Variants in TUSC3 observed in about 807,000 individuals in gnomAD.
TUSC3 encodes tumor suppressor candidate 3, also known as dolichyl-diphosphooligosaccharide--protein glycosyltransferase subunit TUSC3.
TUSC3 carries 45 observed loss-of-function variants against 44.8 expected under a neutral mutation model. The observed-to-expected ratio is 1.00, with a 90% CI of 0.79 to 1.29. TUSC3 has a LOEUF of 1.29. TUSC3 is among the 50% of genes most tolerant of loss of function. The probability of loss-of-function intolerance (pLI) is 0.00; values close to 1 mark genes in which losing one functional copy is unlikely to be tolerated. For synonymous variants in TUSC3, 212 were observed against 152.9 expected, an observed-to-expected ratio of 1.39 and a Z score of -2.85; for missense variants, 519 against 437.9, an observed-to-expected ratio of 1.19 and a Z score of -1.65.
intron 1 of TUSC3, among the ~76,000 whole-genome samples, chr8:15,435,735 T>C (rs1799937693): frequency 6.6e-6 from 1 of 152,202 alleles, no homozygotes; most frequent in Admixed American, 6.5e-5. Flanking sequence ...AATAAGGATT[T>C]TTAAGGAATT....
At position 15,765,549 on chromosome 8, in the gene TUSC3, T is replaced by A. The variant is rs970082421; in HGVS notation, c.*1393T>A. The A allele has an allele frequency of 1.3e-5, 2 of 152,016 alleles. No homozygotes were observed. Among genetic ancestry groups the A allele is most frequent in the South Asian group, 4.1e-4 (2 of 4,830 alleles). The allele number at this position is 152,016 out of a possible 1,614,324, so 9.4% of individuals were successfully genotyped here. ...GAATATAAAGGCCTACTGGGGCATG[T>A]TTATCAAGTTATATCCCAGGGCAAT... On this transcript the variant is annotated 3_prime_UTR_variant, in exon 11 of 11. Coordinates refer to ENST00000503731, the MANE Select transcript of TUSC3 (RefSeq NM_006765.4).
chr8:15,631,185 G>T (rs528822367), intron 2 of TUSC3, among the ~76,000 whole-genome samples: 7 of 152,246 alleles, frequency 4.6e-5, no homozygotes, highest in African/African-American at 1.2e-4. Context: ...TCCATGACCA[G>T]TTTGGTATAA....
At chr8:15,498,813 A>G (rs998610311) in intron 2 of TUSC3, among the ~76,000 whole-genome samples, 4 of 152,130 alleles carry the variant, frequency 2.6e-5, no homozygotes, top group Non-Finnish European at 5.9e-5. Flanking sequence ...CCACCACCAG[A>G]GGCAGAGAGA....
chr8:15,448,263 T>C (rs1257940337), intron 1 of TUSC3, among the ~76,000 whole-genome samples: 1 of 151,788 alleles, frequency 6.6e-6, no homozygotes. Context: ...AGATCACAGA[T>C]GTGTGCAACC....
At chr8:15,717,687 C>T (rs1338750321) in intron 6 of TUSC3, among the ~76,000 whole-genome samples, 1 of 152,096 alleles carries the variant, frequency 6.6e-6, no homozygotes, top group Non-Finnish European at 1.5e-5. Context: ...TTCTCTAGCA[C>T]TCATTTGGAC....
chr8:15,722,429 A>G (rs1218419752), intron 6 of TUSC3, among the ~76,000 whole-genome samples: 2 of 151,992 alleles, frequency 1.3e-5, no homozygotes, highest in African/African-American at 4.8e-5. Context: ...AAATCTGTGG[A>G]CTGAATCTAG....
chr8:15,553,881 A>G (rs1802139851), intron 1 of TUSC3, among the ~76,000 whole-genome samples: 2 of 151,886 alleles, frequency 1.3e-5, no homozygotes, highest in African/African-American at 4.8e-5. Context: ...ATATGGAAAT[A>G]TGGTAGTTGT....
downstream of TUSC3, among the ~76,000 whole-genome samples, chr8:15,769,959 TTGG>T (rs549133264): frequency 5.3e-5 from 8 of 152,242 alleles, no homozygotes; most frequent in South Asian, 4.2e-4. Context: ...TTTTACACTG[TTGG>T]TGGGAGTGTA....
the TUSC3 span, among the ~76,000 whole-genome samples, chr8:15,803,566 T>C: frequency 6.6e-6 from 1 of 152,330 alleles, no homozygotes; most frequent in South Asian, 2.1e-4. Context: ...ATATTTTACC[T>C]TAAGTTCTGG....
intron 1 of TUSC3, among the ~76,000 whole-genome samples, chr8:15,419,424 T>G (rs546371508): frequency 1.3e-5 from 2 of 152,218 alleles, no homozygotes; most frequent in Non-Finnish European, 2.9e-5. Context: ...ATTTTTAGTC[T>G]TTGCTTCTTT....
chr8:15,674,675 G>C (rs1365066256), intron 6 of TUSC3, among the ~76,000 whole-genome samples: 2 of 151,372 alleles, frequency 1.3e-5, no homozygotes, highest in Admixed American at 1.3e-4. Flanking sequence ...CATATTTTTG[G>C]GAACATTTTC....
At chr8:15,517,805 A>C (rs1333485081) in intron 2 of TUSC3, among the ~76,000 whole-genome samples, 1 of 152,032 alleles carries the variant, frequency 6.6e-6, no homozygotes, top group East Asian at 1.9e-4. Flanking sequence ...CAATGTTATC[A>C]TAAATAATGC....
In TUSC3 at chr8:15,561,401, C is replaced by G. The variant is rs570431606; in HGVS notation, c.138+20833C>G. Among the ~76,000 whole-genome samples, 12 of 140,630 alleles carry G rather than the reference C, an allele frequency of 8.5e-5. 3 individuals are homozygous for G. The highest frequency in any genetic ancestry group is 2.9e-4 in the African/African-American group (11 of 38,100). 92.3% of individuals were successfully genotyped at this position (140,630 alleles called of 152,430 possible). Reference sequence around the variant, plus strand: ...TGCGTGCTGGGAGAACCACTGCTCTCTTAAAAGCTGTCAGACAGGGACATT... The same window carrying G: ...TGCGTGCTGGGAGAACCACTGCTCTGTTAAAAGCTGTCAGACAGGGACATT... On this transcript the variant is annotated intron_variant, in intron 1 of 10. Coordinates refer to ENST00000503731, the MANE Select transcript of TUSC3 (RefSeq NM_006765.4).
intron 1 of TUSC3, among the ~76,000 whole-genome samples, chr8:15,452,047 A>T (rs540988565): frequency 6.6e-6 from 1 of 152,208 alleles, no homozygotes; most frequent in Non-Finnish European, 1.5e-5. Flanking sequence ...ACCACTCAGC[A>T]CCATCCCCAC....
At chr8:15,729,709 A>G (rs766022128) in intron 6 of TUSC3, among the ~76,000 whole-genome samples, 47 of 152,016 alleles carry the variant, frequency 3.1e-4, no homozygotes, top group Non-Finnish European at 6.6e-4. Flanking sequence ...GGCTTACTTG[A>G]GGTTGGAGGG....
At chr8:15,505,903 A>G (rs1222151063) in intron 2 of TUSC3, among the ~76,000 whole-genome samples, 1 of 152,170 alleles carries the variant, frequency 6.6e-6, no homozygotes, top group East Asian at 1.9e-4. Flanking sequence ...TAAGGAACAT[A>G]TTCTTGCCCA....
chr8:15,492,766 G>C (rs185552180), intron 2 of TUSC3, among the ~76,000 whole-genome samples: 4 of 148,676 alleles, frequency 2.7e-5, no homozygotes, highest in Non-Finnish European at 4.5e-5. Flanking sequence ...GTGAGATCCC[G>C]TTCTCCATAA....
At chr8:15,706,866 G>A (rs926226212) in intron 6 of TUSC3, among the ~76,000 whole-genome samples, 2 of 151,718 alleles carry the variant, frequency 1.3e-5, no homozygotes, top group Non-Finnish European at 2.9e-5. Context: ...TTACTATTTT[G>A]TCCTTTTAAA....
At chr8:15,720,777 A>ATAAT (rs1482592121) in intron 6 of TUSC3, among the ~76,000 whole-genome samples, 1 of 152,164 alleles carries the variant, frequency 6.6e-6, no homozygotes, top group African/African-American at 2.4e-5. Flanking sequence ...TTAGCATGAT[A>ATAAT]TAATGGCACT....
Sources: gnomAD v4.1 joint callset for allele counts (sites outside exome capture counted in the v4.1 genomes callset) on GRCh38, gnomAD v4.1.1 for gene constraint, MANE v1.5 for transcripts, NCBI Gene and HGNC (gene_info 2026-07-23, HGNC 2026-07-21) for gene names.